TNFAIP6: variants seen among roughly 807,000 people sequenced by gnomAD.
TNFAIP6 encodes the protein tumor necrosis factor-inducible gene 6 protein.
A neutral mutation model predicts 33.7 loss-of-function variants in TNFAIP6; 36 were observed. The observed-to-expected ratio is 1.07, with a 90% confidence interval of 0.82 to 1.41. The LOEUF is 1.41. TNFAIP6 is among the 40% of genes most tolerant of loss of function. The probability of loss-of-function intolerance (pLI) is 0.00; values close to 1 mark genes in which losing one functional copy is unlikely to be tolerated. For synonymous variants in TNFAIP6, 113 were observed against 112.8 expected (o/e 1.00, Z -0.01); for missense variants, 273 against 331.9 (o/e 0.82, Z 1.38).
chr2:151,377,065 C>T (rs1230028526), intron 5 of TNFAIP6, among the ~76,000 whole-genome samples: 10 of 151,986 alleles, frequency 6.6e-5, no homozygotes, highest in Admixed American at 5.9e-4. Context: ...TCCTGAAGTC[C>T]TGAATTCAAG....
intron 4 of TNFAIP6, 75 bp from the exon 5 acceptor site, chr2:151,373,474 T>C: frequency 1.3e-6 from 1 of 761,218 alleles, no homozygotes; most frequent in Non-Finnish European, 2.0e-6. Flanking sequence ...GAGGCTTAAT[T>C]ATCAGTAACA....
intron 5 of TNFAIP6, among the ~76,000 whole-genome samples, chr2:151,376,213 G>A (rs146465142): frequency 1.3e-5 from 2 of 151,874 alleles, no homozygotes; most frequent in Admixed American, 6.6e-5. Context: ...TCCACTGCAC[G>A]CTAGCCTGGG....
chr2:151,365,188 A>T (rs867764227), intron 2 of TNFAIP6, among the ~76,000 whole-genome samples: 11 of 152,130 alleles, frequency 7.2e-5, no homozygotes, highest in South Asian at 2.1e-4. Context: ...AAAAAAAATT[A>T]AAAAATTAGC....
In TNFAIP6 at chr2:151,357,702, G is replaced by A. The variant is rs1377079307; in HGVS notation, c.36G>A (p.Trp12Ter). The A allele has an allele frequency of 6.2e-7, 1 of 1,612,744 alleles. No homozygotes were observed. The highest frequency in any genetic ancestry group is 8.5e-7 in the Non-Finnish European group (1 of 1,178,888). ...TAATTTACTTATTTCTCTTGCTATG[G>A]GAAGACACTCAAGGATGGGGATTCA... ...IILIYLFLLL[W>*]EDTQGWGFKD... is the part of the protein sequence containing the mutation. Residue 12 changes from tryptophan (W) to a stop codon, truncating the protein, a stop_gained, in exon 1 of 6, where the codon TGG becomes TGA. Transcript: ENST00000243347. LOFTEE classifies it high-confidence loss of function.
chr2:151,368,935 A>G (rs918551300), intron 3 of TNFAIP6, among the ~76,000 whole-genome samples: 1 of 152,182 alleles, frequency 6.6e-6, no homozygotes, highest in Non-Finnish European at 1.5e-5. Flanking sequence ...GCTCACACCT[A>G]TAATCCCAAC....
chr2:151,377,255 C>T (rs1019784330), intron 5 of TNFAIP6, among the ~76,000 whole-genome samples: 12 of 151,652 alleles, frequency 7.9e-5, no homozygotes, highest in Non-Finnish European at 1.8e-4. Flanking sequence ...CTGCAAGCTC[C>T]GCCTCCCGGG....
chr2:151,366,169 C>T lies in TNFAIP6; in HGVS notation c.346C>T (p.Arg116Cys), dbSNP rs373227124. Residue 116 changes from arginine to cysteine, a missense_variant, in exon 3 of 6, where the codon CGT becomes TGT. Coordinates refer to ENST00000243347, the MANE Select transcript of TNFAIP6 (RefSeq NM_007115.4). ...GKTGIIDYGI[R>C]LNRSERWDAY... ...AACTGGCATTATTGATTATGGAATCCGTCTCAATAGGAGTGAAAGATGGGA... is the reference window on the plus strand; with the variant it reads ...AACTGGCATTATTGATTATGGAATCTGTCTCAATAGGAGTGAAAGATGGGA... 4.0e-5 allele frequency: 65 copies of T among 1,613,902 alleles called. No individual in the cohort carries two copies. Among genetic ancestry groups the T allele is most frequent in the South Asian group, 1.1e-4 (10 of 91,084 alleles).
At chr2:151,359,458 G>A (rs932163304) in intron 1 of TNFAIP6, among the ~76,000 whole-genome samples, 1 of 146,180 alleles carries the variant, frequency 6.8e-6, no homozygotes, top group African/African-American at 2.6e-5. Context: ...GCACCATCTC[G>A]GCTCACTCCA....
At chr2:151,371,958 G>T (rs1684823046) in intron 4 of TNFAIP6, 1 of 152,336 alleles carries the variant, frequency 6.6e-6, no homozygotes. Flanking sequence ...AAAATAGTTT[G>T]ATGAAGACAC....
chr2:151,373,925 G>T (rs1684856171), intron 5 of TNFAIP6, among the ~76,000 whole-genome samples: 1 of 151,996 alleles, frequency 6.6e-6, no homozygotes. Context: ...CATTGATAAA[G>T]GGTTGAAGTC....
chr2:151,371,239 A>G (rs952255715), intron 4 of TNFAIP6, among the ~76,000 whole-genome samples: 1 of 152,008 alleles, frequency 6.6e-6, no homozygotes, highest in Non-Finnish European at 1.5e-5. Flanking sequence ...TTTCCTTCAC[A>G]CTCCAAATCT....
chr2:151,371,117 T>C (rs113840610), intron 4 of TNFAIP6, among the ~76,000 whole-genome samples: 57 of 152,256 alleles, frequency 3.7e-4, no homozygotes, highest in African/African-American at 1.3e-3. Context: ...CCTTTCTTCT[T>C]CCTACAAAGC....
At chr2:151,373,438 A>G (rs1684849206) in intron 4 of TNFAIP6, 111 bp from the exon 5 acceptor site, 1 of 513,288 alleles carries the variant, frequency 1.9e-6, no homozygotes, top group Non-Finnish European at 3.4e-6. Context: ...AATTTTAAAA[A>G]TTATGGAACA....
chr2:151,379,314 A>G, intron 5 of TNFAIP6, 50 bp from the exon 6 acceptor site: 4 of 1,518,204 alleles, frequency 2.6e-6, no homozygotes, highest in Non-Finnish European at 3.5e-6. Context: ...TTGTCAGCCA[A>G]ATCAAAGGAG....
intron 5 of TNFAIP6, among the ~76,000 whole-genome samples, chr2:151,376,090 C>CA (rs1166761583): frequency 2.6e-5 from 4 of 151,892 alleles, no homozygotes; most frequent in African/African-American, 7.3e-5. Flanking sequence ...ACTAAAAACA[C>CA]AAAAAATTAG....
intron 2 of TNFAIP6, 45 bp from the exon 3 acceptor site, chr2:151,366,011 A>G (rs1228400617): frequency 6.3e-7 from 1 of 1,597,710 alleles, no homozygotes; most frequent in South Asian, 1.1e-5. Flanking sequence ...TTGCTTAGCC[A>G]AGACAGTTTA....
chr2:151,381,182 C>A (rs776178729), downstream of TNFAIP6, among the ~76,000 whole-genome samples: 8 of 152,158 alleles, frequency 5.3e-5, no homozygotes, highest in South Asian at 6.2e-4. Flanking sequence ...GTCATAAAAA[C>A]CAGAATTCAC....
In TNFAIP6 at chr2:151,364,008, G is replaced by C. The variant is rs1206000077; in HGVS notation, c.160G>C (p.Ala54Pro). 1.9e-6 allele frequency: 3 copies of C among 1,614,006 alleles called. No homozygotes were observed. Among genetic ancestry groups the C allele is most frequent in the Non-Finnish European group, 2.5e-6 (3 of 1,180,018 alleles). Residue 54 changes from alanine (A) to proline (P), a missense_variant, in exon 2 of 6, where the codon GCT becomes CCT. Transcript: ENST00000243347. Reference protein sequence around the residue: ...SGKYKLTYAEAKAVCEFEGGH... With the variant: ...SGKYKLTYAEPKAVCEFEGGH... ...CAAATACAAGCTCACCTACGCAGAA[G>C]CTAAGGCGGTGTGTGAATTTGAAGG... is the stretch of plus-strand genomic sequence containing the variant.
chr2:151,369,158 C>A (rs368499941), intron 3 of TNFAIP6, among the ~76,000 whole-genome samples: 21 of 152,186 alleles, frequency 1.4e-4, no homozygotes, highest in African/African-American at 3.9e-4. Flanking sequence ...CCACTGCACT[C>A]CAGCCTGGGC....
Sources: gnomAD v4.1 joint callset for allele counts (sites outside exome capture counted in the v4.1 genomes callset) on GRCh38, gnomAD v4.1.1 for gene constraint, MANE v1.5 for transcripts, NCBI Gene and HGNC (gene_info 2026-07-23, HGNC 2026-07-21) for gene names.